Variants in RAD51B observed in about 807,000 individuals in gnomAD.
RAD51B encodes the protein RAD51 paralog B.
A neutral mutation model predicts 42.2 loss-of-function variants in RAD51B; 38 were observed. The observed-to-expected ratio is 0.90, with a 90% confidence interval of 0.70 to 1.18. The LOEUF (loss-of-function observed/expected upper bound fraction) is 1.18, where lower values mean the gene tolerates loss of function less well. Ranked by LOEUF, RAD51B falls within the 50% of genes most tolerant of loss-of-function variation. The probability of loss-of-function intolerance (pLI) is 0.00; values close to 1 mark genes in which losing one functional copy is unlikely to be tolerated. For missense variants in RAD51B, 373 were observed against 400.7 expected (o/e 0.93, Z 0.59); for synonymous variants, 154 against 145.2 (o/e 1.06, Z -0.43).
At chr14:68,564,633 C>T (rs2140026826) in intron 10 of RAD51B, among the ~76,000 whole-genome samples, 1 of 152,332 alleles carries the variant, frequency 6.6e-6, no homozygotes, top group Non-Finnish European at 1.5e-5. Context: ...TGGGTGGAAA[C>T]TCTGCTATCT....
At position 68,639,854 on chromosome 14, in the gene RAD51B, A is replaced by G. The variant is rs1020720137; in HGVS notation, c.1037-10927A>G. Among the ~76,000 whole-genome samples the G allele has an allele frequency of 5.9e-5, 9 of 152,022 alleles. No homozygotes were observed. The South Asian group carries it at 1.9e-3, about 32-fold the overall frequency. On this transcript the variant is annotated intron_variant, in intron 10 of 11. Transcript: ENST00000488612. ...GTCCAGGCCGGAGTGCAGTGGCGCA[A>G]TCTCGGCTCACTGCTGCCTCCATCT...
chr14:68,595,628 T>C, exon 11 of RAD51B: 1 of 1,058,132 alleles, frequency 9.5e-7, no homozygotes, highest in Non-Finnish European at 1.1e-6. Context: ...AATGTCTACA[T>C]TGTGTTATTT....
chr14:68,115,567 C>T (rs1388567286), intron 7 of RAD51B, among the ~76,000 whole-genome samples: 2 of 147,402 alleles, frequency 1.4e-5, no homozygotes, highest in Non-Finnish European at 3.0e-5. Context: ...AAAAAGACAC[C>T]ACCATTCAGA....
intron 7 of RAD51B, among the ~76,000 whole-genome samples, chr14:68,277,403 G>A (rs568413706): frequency 1.8e-4 from 27 of 152,282 alleles, no homozygotes; most frequent in African/African-American, 4.6e-4. Flanking sequence ...TTCTTTCACC[G>A]TCAGTCTGCC....
chr14:68,142,915 G>GT (rs2078158296), intron 7 of RAD51B, among the ~76,000 whole-genome samples: 1 of 151,590 alleles, frequency 6.6e-6, no homozygotes, highest in African/African-American at 2.4e-5. Context: ...TAAAAAAGGG[G>GT]TTGGGGGCTT....
At chr14:68,232,111 T>C (rs1304135405) in intron 7 of RAD51B, among the ~76,000 whole-genome samples, 4 of 152,296 alleles carry the variant, frequency 2.6e-5, no homozygotes, top group African/African-American at 7.2e-5. Flanking sequence ...ATGAGAAGCC[T>C]TCCTGACATC....
intron 7 of RAD51B, among the ~76,000 whole-genome samples, chr14:68,238,353 T>G (rs952748085): frequency 6.6e-6 from 1 of 152,150 alleles, no homozygotes; most frequent in African/African-American, 2.4e-5. Flanking sequence ...CCAGCTGGAG[T>G]ACAGTGGCAC....
intron 10 of RAD51B, among the ~76,000 whole-genome samples, chr14:68,547,633 C>T (rs1888306086): frequency 6.6e-6 from 1 of 152,188 alleles, no homozygotes; most frequent in Non-Finnish European, 1.5e-5. Flanking sequence ...CTGTCTCTTT[C>T]CCTCTCTCTG....
intron 9 of RAD51B, among the ~76,000 whole-genome samples, chr14:68,423,769 A>G (rs1177970818): frequency 6.6e-6 from 1 of 152,218 alleles, no homozygotes; most frequent in Non-Finnish European, 1.5e-5. Context: ...CTCCCTTCAA[A>G]GAGTGGAATG....
chr14:68,229,641 A>G (rs2080108658), intron 7 of RAD51B, among the ~76,000 whole-genome samples: 1 of 152,140 alleles, frequency 6.6e-6, no homozygotes, highest in Non-Finnish European at 1.5e-5. Flanking sequence ...CACTGGGAGT[A>G]ACTAGACTCT....
intron 9 of RAD51B, among the ~76,000 whole-genome samples, chr14:68,419,105 A>C (rs936525451): frequency 2.0e-5 from 3 of 152,202 alleles, no homozygotes; most frequent in Non-Finnish European, 2.9e-5. Context: ...AGTTTTTAGC[A>C]AGCACTTTGG....
chr14:68,135,893 A>G (rs1269384168), intron 7 of RAD51B, among the ~76,000 whole-genome samples: 39 of 152,350 alleles, frequency 2.6e-4, no homozygotes. Flanking sequence ...ATGAGATTCC[A>G]AAGTCCACCG....
At chr14:68,576,050 C>T (rs1208281815) in intron 10 of RAD51B, among the ~76,000 whole-genome samples, 1 of 152,104 alleles carries the variant, frequency 6.6e-6, no homozygotes, top group East Asian at 1.9e-4. Flanking sequence ...GTGACTGGGG[C>T]CTGGTGAGTC....
intron 7 of RAD51B, among the ~76,000 whole-genome samples, chr14:68,004,300 T>A (rs1331837752): frequency 7.8e-6 from 1 of 127,742 alleles, no homozygotes; most frequent in African/African-American, 3.0e-5. Context: ...GCCACTGCAC[T>A]CCAGCCTGGG....
intron 8 of RAD51B, among the ~76,000 whole-genome samples, chr14:68,391,969 TC>T (rs2083771754): frequency 1.3e-5 from 2 of 152,086 alleles, no homozygotes; most frequent in African/African-American, 4.8e-5. Context: ...ATGTCCTCTC[TC>T]TCCAACTCAC....
intron 7 of RAD51B, among the ~76,000 whole-genome samples, chr14:68,253,992 T>G (rs2080698681): frequency 6.6e-6 from 1 of 152,242 alleles, no homozygotes; most frequent in Admixed American, 6.5e-5. Context: ...CTATTTTGTC[T>G]GGATCTTATC....
chr14:68,471,667 T>G (rs530952960), intron 10 of RAD51B, among the ~76,000 whole-genome samples: 1 of 115,316 alleles, frequency 8.7e-6, no homozygotes, highest in African/African-American at 3.3e-5. Context: ...TGTAGTAAAA[T>G]AGAAAGCGGA....
At chr14:68,525,983 G>C (rs1045014429) in intron 10 of RAD51B, among the ~76,000 whole-genome samples, 14 of 152,210 alleles carry the variant, frequency 9.2e-5, no homozygotes, top group Non-Finnish European at 1.8e-4. Flanking sequence ...GCTGGGTTAA[G>C]AAATTGGAAT....
chr14:68,349,675 T>C (rs1302413378), intron 8 of RAD51B, among the ~76,000 whole-genome samples: 2 of 152,146 alleles, frequency 1.3e-5, no homozygotes, highest in East Asian at 3.9e-4. Flanking sequence ...TTCCCTACTT[T>C]TTTATATCCA....
Sources: gnomAD v4.1 joint callset for allele counts (sites outside exome capture counted in the v4.1 genomes callset) on GRCh38, gnomAD v4.1.1 for gene constraint, MANE v1.5 for transcripts, NCBI Gene and HGNC (gene_info 2026-07-23, HGNC 2026-07-21) for gene names.